The following SLC14A2 variants were observed in gnomAD, a reference collection of about 807,000 sequenced individuals.
The protein encoded by SLC14A2 is solute carrier family 14 member 2, also known as urea transporter 2.
SLC14A2 carries 91 observed loss-of-function variants against 104.6 expected under a neutral mutation model. The ratio of observed to expected loss-of-function variants is 0.87; its 90% confidence interval spans 0.73 to 1.04. The LOEUF is 1.04. Among genes scored for constraint, SLC14A2 ranks in the 50% least tolerant of loss-of-function variants. SLC14A2 has a pLI of 0.00. For missense variants in SLC14A2, 1,189 were observed against 1,156.0 expected (o/e 1.03, Z -0.41); for synonymous variants, 476 against 466.4 (o/e 1.02, Z -0.27).
chr18:45,437,305 G>A (rs1375997372), intron 1 of SLC14A2, among the ~76,000 whole-genome samples: 1 of 152,166 alleles, frequency 6.6e-6, no homozygotes, highest in African/African-American at 2.4e-5. Flanking sequence ...AGAAAGCAGG[G>A]CCAAGGTGCA....
intron 1 of SLC14A2, among the ~76,000 whole-genome samples, chr18:45,243,594 T>C (rs11663434): frequency 5.3e-5 from 8 of 152,220 alleles, no homozygotes; most frequent in Admixed American, 3.9e-4. Flanking sequence ...GAGAAAAGTT[T>C]CCAAACAAGA....
intron 1 of SLC14A2, among the ~76,000 whole-genome samples, chr18:45,229,417 T>A (rs2084152648): frequency 6.7e-6 from 1 of 150,166 alleles, no homozygotes; most frequent in African/African-American, 2.5e-5. Flanking sequence ...TTTGTTTGTT[T>A]GTTTGTTTGT....
At chr18:45,415,242 T>C (rs1434728920) in intron 1 of SLC14A2, among the ~76,000 whole-genome samples, 1 of 152,116 alleles carries the variant, frequency 6.6e-6, no homozygotes, top group Non-Finnish European at 1.5e-5. Context: ...GAAACATGCT[T>C]TGGATCAGAA....
At chr18:45,465,186 G>A (rs560236506) in intron 1 of SLC14A2, among the ~76,000 whole-genome samples, 132 of 152,164 alleles carry the variant, frequency 8.7e-4, no homozygotes, top group Non-Finnish European at 1.8e-3. Context: ...AAGAAACGGA[G>A]AGAAGAAAAC....
chr18:45,569,324 C>A (rs1257945609), intron 2 of SLC14A2, among the ~76,000 whole-genome samples: 1 of 152,202 alleles, frequency 6.6e-6, no homozygotes, highest in East Asian at 1.9e-4. Context: ...TCAACTATCT[C>A]CCTATTTGAA....
the SLC14A2 span, among the ~76,000 whole-genome samples, chr18:45,198,143 A>G: frequency 6.6e-6 from 1 of 152,184 alleles, no homozygotes; most frequent in Non-Finnish European, 1.5e-5. Context: ...GAGTTAATGA[A>G]TTATTAGACA....
intron 1 of SLC14A2, among the ~76,000 whole-genome samples, chr18:45,392,736 A>C (rs764855101): frequency 6.6e-6 from 1 of 152,210 alleles, no homozygotes; most frequent in African/African-American, 2.4e-5. Context: ...TTCAATCTTT[A>C]AATTGTTGGA....
chr18:45,454,857 G>C (rs1254865095), intron 1 of SLC14A2, among the ~76,000 whole-genome samples: 1 of 152,100 alleles, frequency 6.6e-6, no homozygotes, highest in Non-Finnish European at 1.5e-5. Context: ...TGTTCCATTG[G>C]TCTATATATC....
chr18:45,406,752 T>A (rs2086159534), intron 1 of SLC14A2, among the ~76,000 whole-genome samples: 1 of 152,222 alleles, frequency 6.6e-6, no homozygotes. Flanking sequence ...AATATTAATC[T>A]CCTTGTACAT....
At chr18:45,642,480 G>A (rs995343782) in intron 8 of SLC14A2, among the ~76,000 whole-genome samples, 2 of 152,224 alleles carry the variant, frequency 1.3e-5, no homozygotes, top group Non-Finnish European at 2.9e-5. Context: ...GATCTGAGTT[G>A]ACAAAGAGAG....
chr18:45,202,883 T>C, the SLC14A2 span, among the ~76,000 whole-genome samples: 1 of 152,110 alleles, frequency 6.6e-6, no homozygotes, highest in African/African-American at 2.4e-5. Flanking sequence ...CAATAAGATT[T>C]GTAAAAATTT....
the SLC14A2 span, among the ~76,000 whole-genome samples, chr18:45,183,671 C>T: frequency 4.6e-5 from 7 of 150,592 alleles, no homozygotes; most frequent in African/African-American, 1.7e-4. Context: ...TTTTTTCTGT[C>T]TTTCTTTCTT....
chr18:45,434,484 GTTGT>G (rs1271756932), intron 1 of SLC14A2, among the ~76,000 whole-genome samples: 1 of 152,092 alleles, frequency 6.6e-6, no homozygotes, highest in Non-Finnish European at 1.5e-5. Context: ...TGTTGTTGTT[GTTGT>G]TTGCATGATT....
chr18:45,269,889 T>C (rs961192537), intron 1 of SLC14A2, among the ~76,000 whole-genome samples: 5 of 152,232 alleles, frequency 3.3e-5, no homozygotes, highest in African/African-American at 1.2e-4. Context: ...GAGAGTGTTT[T>C]TGGTCTCTTT....
chr18:45,203,011 G>A, the SLC14A2 span, among the ~76,000 whole-genome samples: 8 of 152,304 alleles, frequency 5.3e-5, no homozygotes, highest in East Asian at 9.6e-4. Context: ...GGCTGGGGCC[G>A]CTGAGTTGGG....
chr18:45,300,383 G>A (rs925215628), intron 1 of SLC14A2, among the ~76,000 whole-genome samples: 4 of 122,000 alleles, frequency 3.3e-5, no homozygotes, highest in African/African-American at 1.5e-4. Context: ...GACAGAGCCT[G>A]CTCTATCTCA....
intron 1 of SLC14A2, among the ~76,000 whole-genome samples, chr18:45,294,386 T>C (rs2084900354): frequency 1.3e-5 from 2 of 152,214 alleles, no homozygotes; most frequent in African/African-American, 4.8e-5. Flanking sequence ...TTTGTCAATT[T>C]AAGGTGTGAA....
rs142346861 is a variant in SLC14A2 at position 45,667,073 on chromosome 18, G to C, written c.1696G>C (p.Glu566Gln). 1.2e-6 allele frequency: 2 copies of C among 1,613,706 alleles called. No individual in the cohort carries two copies. Among genetic ancestry groups the C allele is most frequent in the African/African-American group, 2.7e-5 (2 of 74,904 alleles). ...CAGCTACATCACAGGAGAGATGAAG[G>C]AGTGTGGAGAGGGACTTAAAGGTAA... is the stretch of plus-strand genomic sequence containing the variant. The part of the protein sequence containing the change: ...ALSYITGEMK[E>Q]CGEGLKDKSP... Residue 566 changes from glutamate to glutamine, a missense_variant, in exon 13 of 20, where the codon GAG becomes CAG. Transcript: ENST00000255226.
chr18:45,587,015 T>A (rs373324087), intron 2 of SLC14A2, among the ~76,000 whole-genome samples: 8 of 152,012 alleles, frequency 5.3e-5, no homozygotes, highest in African/African-American at 1.9e-4. Flanking sequence ...TGAGACAGAG[T>A]CTCACTCAGT....
Sources: allele counts gnomAD v4.1 joint callset (sites outside exome capture counted in the v4.1 genomes callset), GRCh38; gene constraint gnomAD v4.1.1; transcripts MANE v1.5; gene names NCBI Gene and HGNC (gene_info 2026-07-23, HGNC 2026-07-21).